The following KCNIP4 variants were observed in gnomAD, a reference collection of about 807,000 sequenced individuals.
KCNIP4 encodes the protein potassium voltage-gated channel interacting protein 4.
Under a neutral mutation model 34.0 loss-of-function variants are expected in KCNIP4, and 12 were observed. That is an observed-to-expected ratio of 0.35 (90% CI 0.23 to 0.57). The LOEUF (loss-of-function observed/expected upper bound fraction) is 0.57. Ranked by LOEUF, KCNIP4 falls within the 20% of genes least tolerant of loss-of-function variation. The probability of loss-of-function intolerance (pLI) is 0.83; values close to 1 mark genes in which losing one functional copy is unlikely to be tolerated. For missense variants in KCNIP4, 238 were observed against 311.7 expected, an observed-to-expected ratio of 0.76 and a Z score of 1.78; for synonymous variants, 124 against 102.2, an observed-to-expected ratio of 1.21 and a Z score of -1.29.
intron 1 of KCNIP4, chr4:21,843,552 T>C (rs1723821339): frequency 6.6e-6 from 1 of 151,982 alleles, no homozygotes; most frequent in Non-Finnish European, 1.5e-5. Flanking sequence ...GTGGCTTCCA[T>C]ATTCCCAGAA....
chr4:21,273,483 T>C (rs1427105350), intron 1 of KCNIP4, among the ~76,000 whole-genome samples: 1 of 152,098 alleles, frequency 6.6e-6, no homozygotes, highest in Non-Finnish European at 1.5e-5. Context: ...CTTTTAACAG[T>C]GACAGTGAGA....
At chr4:20,933,742 G>GAAA (rs71181601) in intron 1 of KCNIP4, among the ~76,000 whole-genome samples, 2 of 145,422 alleles carry the variant, frequency 1.4e-5, no homozygotes, top group Non-Finnish European at 3.0e-5. Flanking sequence ...AGCTGAAAAA[G>GAAA]AAAAAAAAAA....
chr4:21,646,467 A>G (rs534578629), intron 1 of KCNIP4, among the ~76,000 whole-genome samples: 7 of 152,216 alleles, frequency 4.6e-5, no homozygotes, highest in Non-Finnish European at 1.0e-4. Flanking sequence ...TGTCCATACT[A>G]ATATAAAGAT....
chr4:21,407,016 A>G (rs1422683197), intron 1 of KCNIP4, among the ~76,000 whole-genome samples: 1 of 152,154 alleles, frequency 6.6e-6, no homozygotes, highest in Non-Finnish European at 1.5e-5. Flanking sequence ...ATATTTTCCA[A>G]CATTATGCAT....
chr4:21,696,453 G>C (rs562743799), intron 1 of KCNIP4, among the ~76,000 whole-genome samples: 6 of 152,088 alleles, frequency 3.9e-5, no homozygotes, highest in African/African-American at 1.4e-4. Flanking sequence ...TTAGATTAAA[G>C]AAAACAAATA....
chr4:20,766,849 T>C (rs1482037136), intron 3 of KCNIP4: 1 of 152,190 alleles, frequency 6.6e-6, no homozygotes, highest in Non-Finnish European at 1.5e-5. Flanking sequence ...TGGAGTTAAA[T>C]AGAAGGCCTG....
chr4:21,783,114 T>C (rs945635803), intron 1 of KCNIP4, among the ~76,000 whole-genome samples: 1 of 150,008 alleles, frequency 6.7e-6, no homozygotes, highest in African/African-American at 2.4e-5. Flanking sequence ...AATCTGCACA[T>C]GTGATAAAAT....
chr4:21,423,156 T>C (rs1166857022), intron 1 of KCNIP4, among the ~76,000 whole-genome samples: 11 of 152,150 alleles, frequency 7.2e-5, no homozygotes. Context: ...ATCAGTAATA[T>C]TTCTTTTGCA....
At chr4:21,408,042 C>T (rs1431550538) in intron 1 of KCNIP4, among the ~76,000 whole-genome samples, 1 of 152,120 alleles carries the variant, frequency 6.6e-6, no homozygotes, top group African/African-American at 2.4e-5. Flanking sequence ...GAAAATAGCT[C>T]AAAACACACA....
intron 1 of KCNIP4, among the ~76,000 whole-genome samples, chr4:21,385,375 G>A (rs1303313919): frequency 1.3e-5 from 2 of 152,092 alleles, no homozygotes; most frequent in Non-Finnish European, 2.9e-5. Flanking sequence ...CTCTACAAAG[G>A]GTTCTGGGCC....
intron 1 of KCNIP4, among the ~76,000 whole-genome samples, chr4:20,933,115 G>A (rs530840813): frequency 4.7e-4 from 72 of 152,144 alleles, no homozygotes; most frequent in African/African-American, 1.6e-3. Flanking sequence ...CATGATGGCA[G>A]GTGACTGTAA....
At chr4:20,866,443 A>C (rs1267297250) in intron 2 of KCNIP4, among the ~76,000 whole-genome samples, 1 of 152,012 alleles carries the variant, frequency 6.6e-6, no homozygotes, top group African/African-American at 2.4e-5. Context: ...AAAAGCTTTC[A>C]GTAACACCCT....
chr4:21,330,790 C>A (rs1715554232), intron 1 of KCNIP4, among the ~76,000 whole-genome samples: 1 of 152,120 alleles, frequency 6.6e-6, no homozygotes, highest in South Asian at 2.1e-4. Flanking sequence ...TGAATTTTAG[C>A]AGAATTTTCC....
intron 1 of KCNIP4, among the ~76,000 whole-genome samples, chr4:21,931,929 C>G (rs143987519): frequency 7.9e-5 from 12 of 152,064 alleles, no homozygotes. Flanking sequence ...TCCACATCCT[C>G]TCCTTGTCTT....
intron 1 of KCNIP4, among the ~76,000 whole-genome samples, chr4:21,412,654 G>T (rs1461465685): frequency 1.3e-5 from 2 of 152,130 alleles, no homozygotes; most frequent in African/African-American, 4.8e-5. Flanking sequence ...CATCTCATTT[G>T]TTTCTATGAT....
chr4:21,097,526 AATT>A (rs1392971705), intron 1 of KCNIP4, among the ~76,000 whole-genome samples: 5 of 152,090 alleles, frequency 3.3e-5, no homozygotes, highest in African/African-American at 1.2e-4. Context: ...ACATTTTGGT[AATT>A]ATTACAATAT....
At chr4:21,423,068 C>A (rs537360598) in intron 1 of KCNIP4, among the ~76,000 whole-genome samples, 1 of 152,236 alleles carries the variant, frequency 6.6e-6, no homozygotes, top group African/African-American at 2.4e-5. Flanking sequence ...CAGATGGGAC[C>A]AATCACACTT....
chr4:21,212,619 A>G (rs1018995758), intron 1 of KCNIP4, among the ~76,000 whole-genome samples: 25 of 152,174 alleles, frequency 1.6e-4, no homozygotes, highest in African/African-American at 6.0e-4. Flanking sequence ...GAAGTCCAAG[A>G]TGAAGGCACT....
intron 1 of KCNIP4, among the ~76,000 whole-genome samples, chr4:21,943,739 A>C (rs1018708489): frequency 1.3e-5 from 2 of 152,244 alleles, no homozygotes; most frequent in South Asian, 2.1e-4. Context: ...TCTATGACTC[A>C]AGTTAGGTTT....
Sources: allele counts gnomAD v4.1 joint callset (sites outside exome capture counted in the v4.1 genomes callset), GRCh38; gene constraint gnomAD v4.1.1; transcripts MANE v1.5; gene names NCBI Gene and HGNC (gene_info 2026-07-23, HGNC 2026-07-21).